Variants in ADAP1 observed in about 807,000 individuals in gnomAD.
The protein encoded by ADAP1 is arf-GAP with dual PH domain-containing protein 1.
A neutral mutation model predicts 54.9 loss-of-function variants in ADAP1; 31 were observed. The ratio of observed to expected loss-of-function variants is 0.56; its 90% confidence interval spans 0.42 to 0.76. The LOEUF is 0.76. Ranked by LOEUF, ADAP1 falls within the 30% of genes least tolerant of loss-of-function variation. The pLI is 0.00. For synonymous variants in ADAP1, 313 were observed against 202.6 expected, an observed-to-expected ratio of 1.55 and a Z score of -4.63; for missense variants, 535 against 512.4, an observed-to-expected ratio of 1.04 and a Z score of -0.42.
chr7:914,248 G>C (rs6959434), intron 4 of ADAP1, among the ~76,000 whole-genome samples: 7 of 152,196 alleles, frequency 4.6e-5, no homozygotes, highest in Non-Finnish European at 8.8e-5. Context: ...GGCCAACGTG[G>C]GGTTGTGGGT....
Position 935,485 on chromosome 7 carries a change from T to A in ADAP1, c.103A>T (p.Thr35Ser), listed in dbSNP as rs1846723509. The part of the protein sequence containing the change: ...GAPDPDWASY[T>S]LGVFICLSCS... ...CTCAGGCAGATGAAGACGCCCAGAG[T>A]GTAGGAGGCCCAGTCGGGATCTGCA... The change falls in exon 2 of 11, where the codon ACT becomes TCT. Residue 35 changes from threonine (T) to serine (S), a missense_variant. Transcript: ENST00000265846. 2 of 1,562,352 alleles carry A rather than the reference T, an allele frequency of 1.3e-6. No homozygotes were observed. The highest frequency in any genetic ancestry group is 1.2e-5 in the South Asian group (1 of 84,772).
chr7:946,195 G>A lies in ADAP1; in HGVS notation c.82+8201C>T, dbSNP rs1283069006. On this transcript the variant is annotated intron_variant, in intron 1 of 10. Transcript: ENST00000265846. The surrounding 1 kb of genome is among the most constrained non-coding windows in gnomAD (Gnocchi z 4.3). ...CAGGCCCCTCTCCAACTCCACCTCCGTGTTTTCCGCATATTGTCTCCCAGT... is the reference window on the plus strand; with the variant it reads ...CAGGCCCCTCTCCAACTCCACCTCCATGTTTTCCGCATATTGTCTCCCAGT... Among the ~76,000 whole-genome samples the A allele has an allele frequency of 1.3e-5, 2 of 152,128 alleles. No homozygotes were observed. Among genetic ancestry groups the A allele is most frequent in the Admixed American group, 6.5e-5 (1 of 15,280 alleles).
intron 2 of ADAP1, among the ~76,000 whole-genome samples, chr7:933,801 C>T (rs530760180): frequency 2.5e-5 from 1 of 39,324 alleles, no homozygotes; most frequent in African/African-American, 1.1e-4. Flanking sequence ...AGCCGGGGGC[C>T]GGGGTCAGTG....
At chr7:912,626 CG>C (rs1845770105) in intron 4 of ADAP1, among the ~76,000 whole-genome samples, 1 of 152,224 alleles carries the variant, frequency 6.6e-6, no homozygotes, top group African/African-American at 2.4e-5. Context: ...GGAGACACAG[CG>C]GCCACAGAGG....
At chr7:900,406 C>G (rs371102715) in intron 7 of ADAP1, 127 bp downstream of exon 7, 2 of 1,104,226 alleles carry the variant, frequency 1.8e-6, no homozygotes, top group Non-Finnish European at 2.6e-6. Flanking sequence ...TCAGGGTGAG[C>G]CCTTGGCCAG....
At position 938,313 on chromosome 7, in the gene ADAP1, T is replaced by G. The variant is rs1028978749; in HGVS notation, c.83-2808A>C. On this transcript the variant is annotated intron_variant, in intron 1 of 10. Transcript: ENST00000265846. The surrounding 1 kb of genome is among the most constrained non-coding windows in gnomAD (Gnocchi z 4.4). The stretch of plus-strand genomic sequence containing the variant: ...CTCCTGCCTCAGCCTTCCAAGTAGC[T>G]GGGACCGCAGGCATGCACCAGCATA... 6.6e-6 allele frequency among the ~76,000 whole-genome samples: 1 copy of G among 152,272 alleles called. No homozygotes were observed. Among genetic ancestry groups the G allele is most frequent in the Non-Finnish European group, 1.5e-5 (1 of 68,020 alleles).
chr7:930,745 G>A (rs1264865217), intron 2 of ADAP1, among the ~76,000 whole-genome samples: 3 of 151,860 alleles, frequency 2.0e-5, no homozygotes, highest in African/African-American at 7.3e-5. Context: ...CTTGAATGTG[G>A]GAGGTGGAGG....
In ADAP1 at chr7:941,646, A is replaced by G. The variant is rs545425284; in HGVS notation, c.83-6141T>C. Among the ~76,000 whole-genome samples the G allele has an allele frequency of 3.3e-5, 5 of 152,360 alleles. No individual in the cohort carries two copies. The South Asian group carries it at 1.0e-3, about 32-fold the overall frequency. On this transcript the variant is annotated intron_variant, in intron 1 of 10. Coordinates refer to ENST00000265846, the MANE Select transcript of ADAP1 (RefSeq NM_006869.4). ...AAAATATTGCTCAGAGAAATTAAAG[A>G]AGACCTACAGATTTTGGAAAGAGAT...
Position 920,067 on chromosome 7 carries a change from G to C in ADAP1, c.306-17C>G, listed in dbSNP as rs754031797. On this transcript the variant is annotated splice_polypyrimidine_tract_variant and intron_variant, in intron 3 of 10. Transcript: ENST00000265846. The surrounding 1 kb of genome is among the most constrained non-coding windows in gnomAD (Gnocchi z 4.5). ...CGAAGGAGCCTGTGGGGAGAGGAGA[G>C]ACTGAGCCACTGGGCCAAGGCGGCC... The C allele has an allele frequency of 1.9e-6, 3 of 1,602,890 alleles. No individual in the cohort carries two copies. The Admixed American group carries it at 5.0e-5, about 27-fold the overall frequency.
Position 920,584 on chromosome 7 carries a change from C to G in ADAP1, c.306-534G>C, listed in dbSNP as rs1190719209. Among the ~76,000 whole-genome samples the G allele has an allele frequency of 6.6e-6, 1 of 152,142 alleles. No homozygotes were observed. The highest frequency in any genetic ancestry group is 1.5e-5 in the Non-Finnish European group (1 of 68,006). ...GTTCTGAGACACAGGACGGAGCTAT[C>G]AGGGCACCCGTCGAGGTCAGGAGGC... On this transcript the variant is annotated intron_variant, in intron 3 of 10. Coordinates refer to ENST00000265846, the MANE Select transcript of ADAP1 (RefSeq NM_006869.4). The surrounding 1 kb of genome is among the most constrained non-coding windows in gnomAD (Gnocchi z 4.5).
In ADAP1 at chr7:898,744, T is replaced by G. The variant is rs113382301; in HGVS notation, c.*177A>C. The G allele has an allele frequency of 1.3e-6, 1 of 788,502 alleles. No homozygotes were observed. The highest frequency in any genetic ancestry group is 1.7e-5 in the African/African-American group (1 of 57,976). 48.8% of individuals were successfully genotyped at this position (788,502 alleles called of 1,614,324 possible). ...AGGCCCAGGGCCTGGGCTGCCTGCC[T>G]TGAGGTTCCAGAGAAGCATCCTGGA... On this transcript the variant is annotated 3_prime_UTR_variant, in exon 11 of 11. Transcript: ENST00000265846.
At chr7:941,230 T>C (rs6462074) in intron 1 of ADAP1, among the ~76,000 whole-genome samples, 4,650 of 152,280 alleles carry the variant, frequency 0.031, 189 homozygotes, top group East Asian at 0.23. Context: ...ACTGACTGCT[T>C]TCCCCCAAGA....
At position 906,526 on chromosome 7, in the gene ADAP1, GGAAAGGA is replaced by G. The variant is rs1845362788; in HGVS notation, c.389-1361_389-1355del. Among the ~76,000 whole-genome samples, 2 of 26,222 alleles carry G rather than the reference GGAAAGGA, an allele frequency of 7.6e-5. 1 individual carries two copies. The highest frequency in any genetic ancestry group is 1.5e-4 in the Non-Finnish European group (2 of 13,594). 17.2% of individuals were successfully genotyped at this position (26,222 alleles called of 152,430 possible). Reference sequence around the variant, plus strand: ...AAGGGAGAAAGGAGAAAGGAGAAAGGGAAAGGAGAAAGGAGAAGGGAGAAAGGGAGAA... The same window carrying G: ...AAGGGAGAAAGGAGAAAGGAGAAAGGGAAAGGAGAAGGGAGAAAGGGAGAA... On this transcript the variant is annotated intron_variant, in intron 4 of 10. Transcript: ENST00000265846.
intron 5 of ADAP1, 124 bp downstream of exon 5, chr7:904,936 T>G (rs1845025269): frequency 2.5e-6 from 2 of 812,422 alleles, no homozygotes; most frequent in Non-Finnish European, 4.0e-6. Context: ...TCCTGGAGCG[T>G]CCCCATCGGG....
intron 1 of ADAP1, among the ~76,000 whole-genome samples, chr7:944,138 A>G (rs1847080334): frequency 6.6e-6 from 1 of 152,028 alleles, no homozygotes; most frequent in South Asian, 2.1e-4. Flanking sequence ...GCTGGTCTCT[A>G]ACTTCTGGGC....
At chr7:899,576 G>A in intron 8 of ADAP1, 86 bp from the exon 9 acceptor site, 1 of 1,450,236 alleles carries the variant, frequency 6.9e-7, no homozygotes, top group Non-Finnish European at 9.3e-7. Flanking sequence ...GGAGGGCAGG[G>A]CCCAGACTGG....
chr7:913,198 CTTTT>C (rs10698107), intron 4 of ADAP1, among the ~76,000 whole-genome samples: 1,523 of 104,212 alleles, frequency 0.015, 21 homozygotes, highest in African/African-American at 0.053. Flanking sequence ...CCTCCCCTTC[CTTTT>C]TTTTTTTTTT....
chr7:953,601 C>A (rs528858852), intron 1 of ADAP1, among the ~76,000 whole-genome samples: 30 of 152,304 alleles, frequency 2.0e-4, no homozygotes, highest in African/African-American at 6.3e-4. Context: ...CGGCGGGGCC[C>A]TCTCTCCACA....
At chr7:951,322 G>A (rs1183621320) in intron 1 of ADAP1, among the ~76,000 whole-genome samples, 7 of 151,426 alleles carry the variant, frequency 4.6e-5, no homozygotes, top group South Asian at 2.1e-4. Flanking sequence ...GCAGTGAGCC[G>A]AGATCGCACC....
Sources: allele counts gnomAD v4.1 joint callset (sites outside exome capture counted in the v4.1 genomes callset), GRCh38; gene constraint gnomAD v4.1.1; non-coding constraint Gnocchi (gnomAD v3.1); transcripts MANE v1.5; gene names NCBI Gene and HGNC (gene_info 2026-07-23, HGNC 2026-07-21).